Variants in SORCS3 observed in about 807,000 individuals in gnomAD.
The protein encoded by SORCS3 is sortilin related VPS10 domain containing receptor 3, also known as VPS10 domain-containing receptor SorCS3.
A neutral mutation model predicts 146.3 loss-of-function variants in SORCS3; 57 were observed. The ratio of observed to expected loss-of-function variants is 0.39; its 90% confidence interval spans 0.31 to 0.49. The LOEUF (loss-of-function observed/expected upper bound fraction) is 0.49. Among genes scored for constraint, SORCS3 ranks in the 20% least tolerant of loss-of-function variants. SORCS3 has a pLI of 0.92. For synonymous variants in SORCS3, 653 were observed against 618.5 expected, an observed-to-expected ratio of 1.06 and a Z score of -0.83; for missense variants, 1,341 against 1,575.5, an observed-to-expected ratio of 0.85 and a Z score of 2.52.
chr10:104,945,566 CTTT>C (rs10707282), intron 3 of SORCS3, among the ~76,000 whole-genome samples: 18 of 135,058 alleles, frequency 1.3e-4, no homozygotes, highest in African/African-American at 1.6e-4. Context: ...GCCTAATGTT[CTTT>C]TTTTTTTTTT....
intron 2 of SORCS3, among the ~76,000 whole-genome samples, chr10:104,891,510 T>C (rs2018748800): frequency 6.6e-6 from 1 of 152,176 alleles, no homozygotes; most frequent in South Asian, 2.1e-4. Context: ...TTTTCCCTAA[T>C]GTAGCCTGAA....
chr10:105,199,945 C>G lies in SORCS3; in HGVS notation c.2010-54C>G, dbSNP rs555220406. 31 of 1,291,002 alleles carry G rather than the reference C, an allele frequency of 2.4e-5. No individual in the cohort carries two copies. In the South Asian group the frequency reaches 2.6e-4, roughly 11 times the overall value. The allele number at this position is 1,291,002 out of a possible 1,614,324, so 80.0% of individuals were successfully genotyped here. A position where few individuals can be genotyped will look rare whatever the true frequency, so the allele number is the denominator to read the frequency against. ...CTTCCTAGTTTCTGTGCATTAGTGA[C>G]TGACTATGGGACTTTCTCCCCTTGT... On this transcript the variant is annotated intron_variant, in intron 14 of 26. Transcript: ENST00000369701.
intron 4 of SORCS3, among the ~76,000 whole-genome samples, chr10:104,995,762 A>T (rs2055023273): frequency 6.6e-6 from 1 of 152,144 alleles, no homozygotes; most frequent in African/African-American, 2.4e-5. Flanking sequence ...CATAGTTTTG[A>T]TGAAGTACAA....
At chr10:104,829,105 C>T (rs1213722791) in intron 1 of SORCS3, among the ~76,000 whole-genome samples, 3 of 152,176 alleles carry the variant, frequency 2.0e-5, no homozygotes, top group Non-Finnish European at 2.9e-5. Context: ...ACTTTAAACT[C>T]AAGAAGTGTG....
chr10:104,705,770 A>G (rs1193592291), intron 1 of SORCS3, among the ~76,000 whole-genome samples: 1 of 152,186 alleles, frequency 6.6e-6, no homozygotes, highest in African/African-American at 2.4e-5. Context: ...GCACAAGTTA[A>G]GGGAGCAACA....
rs571664048 is a variant in SORCS3 at position 104,717,452 on chromosome 10, C to A, written c.627+75498C>A. Among the ~76,000 whole-genome samples, 8 of 152,278 alleles carry A rather than the reference C, an allele frequency of 5.3e-5. No individual in the cohort carries two copies. In the South Asian group the frequency reaches 1.5e-3, roughly 28 times the overall value. ...ATTTCTTCCTTTCCAGTCCCGGACA[C>A]CTAGAGCTCACCCACAAGGCGCCCA... On this transcript the variant is annotated intron_variant, in intron 1 of 26. Coordinates refer to ENST00000369701, the MANE Select transcript of SORCS3 (RefSeq NM_014978.3).
At chr10:104,813,194 T>G (rs903217657) in intron 1 of SORCS3, among the ~76,000 whole-genome samples, 1 of 152,224 alleles carries the variant, frequency 6.6e-6, no homozygotes, top group Non-Finnish European at 1.5e-5. Flanking sequence ...TGCTATTCCC[T>G]GTGAGCACAG....
At chr10:104,703,194 C>T (rs186039453) in intron 1 of SORCS3, among the ~76,000 whole-genome samples, 5 of 152,180 alleles carry the variant, frequency 3.3e-5, no homozygotes, top group Admixed American at 1.3e-4. Context: ...TAAAATGATT[C>T]GGGTTGAGGG....
At chr10:104,894,417 A>T (rs1057100747) in intron 2 of SORCS3, among the ~76,000 whole-genome samples, 1 of 152,236 alleles carries the variant, frequency 6.6e-6, no homozygotes, top group African/African-American at 2.4e-5. Context: ...CACAGCAAAT[A>T]TTGAATCATG....
At chr10:104,976,694 A>T (rs556490948) in intron 3 of SORCS3, among the ~76,000 whole-genome samples, 383 of 152,338 alleles carry the variant, frequency 2.5e-3, no homozygotes, top group South Asian at 0.013. Flanking sequence ...GGATTAAGAA[A>T]TGTGGCACAT....
intron 5 of SORCS3, among the ~76,000 whole-genome samples, chr10:105,072,169 G>A (rs1295479468): frequency 6.6e-6 from 1 of 152,142 alleles, no homozygotes; most frequent in Admixed American, 6.5e-5. Flanking sequence ...GGCATGGGAG[G>A]TGGTGAGCTC....
chr10:104,872,066 TA>T (rs2018524263), intron 2 of SORCS3, among the ~76,000 whole-genome samples: 1 of 152,170 alleles, frequency 6.6e-6, no homozygotes. Flanking sequence ...CTGAATAAAG[TA>T]CACAAAGTAT....
chr10:104,701,705 T>C (rs1023499871), intron 1 of SORCS3, among the ~76,000 whole-genome samples: 2 of 152,198 alleles, frequency 1.3e-5, no homozygotes, highest in Non-Finnish European at 2.9e-5. Flanking sequence ...AGTGCAGTGG[T>C]AATGAAGGGT....
At chr10:104,675,036 C>T (rs1373739673) in intron 1 of SORCS3, among the ~76,000 whole-genome samples, 1 of 152,168 alleles carries the variant, frequency 6.6e-6, no homozygotes, top group Non-Finnish European at 1.5e-5. Flanking sequence ...GTAGATACCA[C>T]CAAGTAATTT....
chr10:104,899,425 C>A (rs2018829888), intron 2 of SORCS3, among the ~76,000 whole-genome samples: 1 of 152,186 alleles, frequency 6.6e-6, no homozygotes, highest in South Asian at 2.1e-4. Context: ...TATGAGCTAG[C>A]AGTCAATGTC....
chr10:104,844,684 A>T (rs1029052178), intron 2 of SORCS3, among the ~76,000 whole-genome samples: 1 of 152,162 alleles, frequency 6.6e-6, no homozygotes, highest in Non-Finnish European at 1.5e-5. Flanking sequence ...CAGGGCTGCC[A>T]TAACAATTAC....
At chr10:104,913,206 G>T (rs1288106305) in intron 2 of SORCS3, among the ~76,000 whole-genome samples, 4 of 152,144 alleles carry the variant, frequency 2.6e-5, no homozygotes, top group Non-Finnish European at 5.9e-5. Context: ...TAGAAAAATA[G>T]CCTGGTAACA....
Position 104,762,445 on chromosome 10 carries a change from C to T in SORCS3, c.628-80347C>T, listed in dbSNP as rs80187057. 3.6e-4 allele frequency among the ~76,000 whole-genome samples: 55 copies of T among 152,296 alleles called. 1 individual carries two copies. The East Asian group carries it at 8.5e-3, about 24-fold the overall frequency. The stretch of plus-strand genomic sequence containing the variant: ...GCCAGCTGGCTGCGGCATACTACTG[C>T]GTGGAGGGCCCTGGAACTGTCTTTG... On this transcript the variant is annotated intron_variant, in intron 1 of 26. Transcript: ENST00000369701.
intron 4 of SORCS3, among the ~76,000 whole-genome samples, chr10:105,025,216 T>G (rs1007863924): frequency 6.6e-6 from 1 of 152,194 alleles, no homozygotes; most frequent in Non-Finnish European, 1.5e-5. Flanking sequence ...GCATAAGGGC[T>G]TTTAGCTCTG....
Sources: allele counts gnomAD v4.1 joint callset (sites outside exome capture counted in the v4.1 genomes callset), GRCh38; gene constraint gnomAD v4.1.1; transcripts MANE v1.5; gene names NCBI Gene and HGNC (gene_info 2026-07-23, HGNC 2026-07-21).